ATF3: variants seen among roughly 807,000 people sequenced by gnomAD.
ATF3 encodes the protein cyclic AMP-dependent transcription factor ATF-3.
In ATF3, 10 loss-of-function variants were observed where a neutral mutation model predicts 18.4. The ratio of observed to expected loss-of-function variants is 0.54; its 90% CI spans 0.34 to 0.92. The LOEUF (loss-of-function observed/expected upper bound fraction) is 0.92, where lower values mean the gene tolerates loss of function less well. Ranked by LOEUF, ATF3 falls within the 40% of genes least tolerant of loss-of-function variation. The probability of loss-of-function intolerance (pLI) is 0.02; values close to 1 mark genes in which losing one functional copy is unlikely to be tolerated. For synonymous variants in ATF3, 78 were observed against 87.9 expected, an observed-to-expected ratio of 0.89 and a Z score of 0.63; for missense variants, 183 against 222.3, an observed-to-expected ratio of 0.82 and a Z score of 1.12.
intron 1 of ATF3, among the ~76,000 whole-genome samples, chr1:212,589,163 G>A (rs1300715767): frequency 6.6e-6 from 1 of 152,014 alleles, no homozygotes; most frequent in African/African-American, 2.4e-5. Context: ...TAGCACACTC[G>A]GCATCACAGC....
intron 1 of ATF3, among the ~76,000 whole-genome samples, chr1:212,594,813 C>T (rs1197739084): frequency 6.6e-6 from 1 of 152,174 alleles, no homozygotes; most frequent in African/African-American, 2.4e-5. Context: ...CTACTGGGCC[C>T]CTTACAGGCC....
chr1:212,616,962 T>C (rs1248502748), intron 2 of ATF3, among the ~76,000 whole-genome samples: 2 of 151,948 alleles, frequency 1.3e-5, no homozygotes, highest in Non-Finnish European at 2.9e-5. Flanking sequence ...CAGACCCCTG[T>C]GGAGATGTCA....
chr1:212,618,527 C>T lies in ATF3; in HGVS notation c.348+293C>T. 1 of 465,130 alleles carries T rather than the reference C, an allele frequency of 2.1e-6. No homozygotes were observed. Among genetic ancestry groups the T allele is most frequent in the South Asian group, 2.2e-5 (1 of 45,188 alleles). The allele number at this position is 465,130 out of a possible 1,614,324, so 28.8% of individuals were successfully genotyped here. A position where few individuals can be genotyped will look rare whatever the true frequency, so the allele number is the denominator to read the frequency against. ...ATCAGCTTCCAGGCTGCAGGACATG[C>T]CAGCCCAGTTAAAGAGGCTTCACTT... On this transcript the variant is annotated intron_variant, in intron 3 of 3. Transcript: ENST00000341491. This position sits in a 1 kb window ranked among gnomAD's most constrained non-coding sequence, Gnocchi z 4.4.
At chr1:212,574,758 C>T (rs1664543938) in intron 1 of ATF3, among the ~76,000 whole-genome samples, 1 of 152,010 alleles carries the variant, frequency 6.6e-6, no homozygotes, top group Non-Finnish European at 1.5e-5. Flanking sequence ...CTCATGAGTT[C>T]CTCCCATTGC....
chr1:212,576,716 CTTTT>C (rs1664584350), intron 1 of ATF3, among the ~76,000 whole-genome samples: 1 of 78,248 alleles, frequency 1.3e-5, no homozygotes, highest in Non-Finnish European at 2.4e-5. Flanking sequence ...CTTTTCTTTT[CTTTT>C]CTTTTTTTTT....
chr1:212,581,395 G>C (rs1471388519), intron 1 of ATF3, among the ~76,000 whole-genome samples: 1 of 152,172 alleles, frequency 6.6e-6, no homozygotes, highest in African/African-American at 2.4e-5. Context: ...AGACCTTTTT[G>C]AGTAGATATG....
intron 1 of ATF3, among the ~76,000 whole-genome samples, chr1:212,579,310 G>A (rs1352690077): frequency 2.0e-5 from 3 of 152,072 alleles, no homozygotes; most frequent in Non-Finnish European, 2.9e-5. Flanking sequence ...CAGACTTCTG[G>A]AGCCTTTTTA....
At chr1:212,602,947 G>T (rs1654522026) in intron 1 of ATF3, among the ~76,000 whole-genome samples, 1 of 152,150 alleles carries the variant, frequency 6.6e-6, no homozygotes, top group South Asian at 2.1e-4. Flanking sequence ...ATATTTTAAG[G>T]ATTTTTTATT....
chr1:212,618,597 C>A lies in ATF3; in HGVS notation c.348+363C>A. ...GGAAGCTGCCAGCTCTCATTTGGCT[C>A]ACTATGAAAAGCCTTTAATTAATCT... On this transcript the variant is annotated intron_variant, in intron 3 of 3. Transcript: ENST00000341491. The surrounding 1 kb of genome is among the most constrained non-coding windows in gnomAD (Gnocchi z 4.4). The A allele has an allele frequency of 2.5e-6, 1 of 395,642 alleles. No individual in the cohort carries two copies. Among genetic ancestry groups the A allele is most frequent in the South Asian group, 2.5e-5 (1 of 40,368 alleles). The allele number at this position is 395,642 out of a possible 1,614,324, so 24.5% of individuals were successfully genotyped here.
At chr1:212,591,764 C>T (rs959033620) in intron 1 of ATF3, among the ~76,000 whole-genome samples, 4 of 152,176 alleles carry the variant, frequency 2.6e-5, no homozygotes, top group Non-Finnish European at 5.9e-5. Context: ...TCTCATCTCC[C>T]CTTCCGCACA....
chr1:212,614,149 A>C (rs1655003340), intron 1 of ATF3: 1 of 152,182 alleles, frequency 6.6e-6, no homozygotes, highest in Non-Finnish European at 1.5e-5. Context: ...CATTTACCAG[A>C]CACAGACTGG....
In ATF3 at chr1:212,591,042, G is replaced by A. The variant is rs74138555; in HGVS notation, c.-4-23976G>A. Among the ~76,000 whole-genome samples the A allele has an allele frequency of 8.0e-3, 1,216 of 152,284 alleles. 23 individuals carry two copies. The highest frequency in any genetic ancestry group is 0.028 in the African/African-American group (1,159 of 41,554). Reference sequence around the variant, plus strand: ...ATACACACAAGACCGTCCACCATCTGATCCCAACTTTTTCAGCCGCCTCTT... The same window carrying A: ...ATACACACAAGACCGTCCACCATCTAATCCCAACTTTTTCAGCCGCCTCTT... On this transcript the variant is annotated intron_variant, in intron 1 of 3. Coordinates refer to the ATF3 transcript ENST00000366981.
rs541196635 is a variant in ATF3, at chr1:212,568,949, G to T, written c.-5+3466G>T. On this transcript the variant is annotated intron_variant, in intron 1 of 3. Transcript: ENST00000366981. ...AAAAGGCTCCTTACTTCTGATCCTG[G>T]TTTATTTATTTTAAAAATACTTGTA... Among the ~76,000 whole-genome samples, 7 of 152,230 alleles carry T rather than the reference G, an allele frequency of 4.6e-5. No individual in the cohort carries two copies. The South Asian group carries it at 1.5e-3, about 32-fold the overall frequency.
chr1:212,614,976 C>T (rs770723766), intron 1 of ATF3, 42 bp from the exon 2 acceptor site: 2 of 1,613,854 alleles, frequency 1.2e-6, no homozygotes, highest in Non-Finnish European at 1.7e-6. Context: ...ATCCCATGCC[C>T]CAGAGCCCCT....
chr1:212,600,973 C>G (rs1293079663), intron 1 of ATF3, among the ~76,000 whole-genome samples: 1 of 152,176 alleles, frequency 6.6e-6, no homozygotes, highest in Non-Finnish European at 1.5e-5. Flanking sequence ...TTTAACTCTT[C>G]AGGTCAAGAA....
chr1:212,601,596 C>T (rs1654485559), intron 1 of ATF3, among the ~76,000 whole-genome samples: 1 of 152,098 alleles, frequency 6.6e-6, no homozygotes, highest in Non-Finnish European at 1.5e-5. Flanking sequence ...ATCTGTAAAA[C>T]CGAGATAAAA....
chr1:212,592,500 G>A (rs1317784629), intron 1 of ATF3, among the ~76,000 whole-genome samples: 1 of 151,446 alleles, frequency 6.6e-6, no homozygotes, highest in Admixed American at 6.6e-5. Context: ...TGGTTGATAT[G>A]TCTCTTAAGT....
intron 1 of ATF3, among the ~76,000 whole-genome samples, chr1:212,595,257 A>G (rs1567709): frequency 0.94 from 143,866 of 152,274 alleles, 68,317 homozygotes; most frequent in Middle Eastern, 0.99. Flanking sequence ...CAAAAAGTGG[A>G]GATTTGCCGG....
chr1:212,609,407 C>A lies in ATF3; in HGVS notation c.-5+477C>A, dbSNP rs1654797220. Among the ~76,000 whole-genome samples the A allele has an allele frequency of 3.4e-5, 5 of 148,814 alleles. No homozygotes were observed. In the South Asian group the frequency reaches 6.4e-4, roughly 19 times the overall value. ...GGGGGGGCGCAGAGAGGCACGAAGG[C>A]CGGAGGCTTGCGGGAGGGCTGCCCC... On this transcript the variant is annotated intron_variant, in intron 1 of 3. Transcript: ENST00000341491.
Sources: gnomAD v4.1 joint callset for allele counts (sites outside exome capture counted in the v4.1 genomes callset) on GRCh38, gnomAD v4.1.1 for gene constraint, Gnocchi (gnomAD v3.1) non-coding constraint, MANE v1.5 for transcripts, NCBI Gene and HGNC (gene_info 2026-07-23, HGNC 2026-07-21) for gene names.